MAP3K7: variants seen among roughly 807,000 people sequenced by gnomAD.
The protein encoded by MAP3K7 is mitogen-activated protein kinase kinase kinase 7.
MAP3K7 carries 21 observed loss-of-function variants against 84.8 expected under a neutral mutation model. The ratio of observed to expected loss-of-function variants is 0.25; its 90% CI spans 0.18 to 0.36. The LOEUF (loss-of-function observed/expected upper bound fraction) is 0.36. Ranked by LOEUF, MAP3K7 falls within the 10% of genes least tolerant of loss-of-function variation. MAP3K7 has a pLI of 1.00. For missense variants in MAP3K7, 503 were observed against 747.7 expected, an observed-to-expected ratio of 0.67 and a Z score of 3.82; for synonymous variants, 241 against 247.7, an observed-to-expected ratio of 0.97 and a Z score of 0.25.
At chr6:90,570,306 G>C (rs1382313911) in intron 2 of MAP3K7, among the ~76,000 whole-genome samples, 3 of 152,186 alleles carry the variant, frequency 2.0e-5, no homozygotes, top group Admixed American at 2.0e-4. Context: ...CTGGCAATGA[G>C]AAAAATGGAG....
At chr6:90,581,367 C>A (rs145953837) in intron 1 of MAP3K7, among the ~76,000 whole-genome samples, 46 of 152,206 alleles carry the variant, frequency 3.0e-4, no homozygotes, top group African/African-American at 1.0e-3. Flanking sequence ...TGGCATTGTT[C>A]TGGCTGGAAA....
chr6:90,535,331 T>G (rs1454186148), intron 13 of MAP3K7, among the ~76,000 whole-genome samples: 2 of 151,848 alleles, frequency 1.3e-5, no homozygotes, highest in Non-Finnish European at 2.9e-5. Context: ...CAAGTACTAA[T>G]ACATATTATC....
chr6:90,561,272 G>A (rs1371202508), intron 4 of MAP3K7, among the ~76,000 whole-genome samples: 7 of 151,398 alleles, frequency 4.6e-5, no homozygotes, highest in Admixed American at 2.0e-4. Flanking sequence ...GAGTGAAATC[G>A]AAATATGGTT....
chr6:90,530,110 A>G (rs1775459316), intron 13 of MAP3K7, among the ~76,000 whole-genome samples: 1 of 152,226 alleles, frequency 6.6e-6, no homozygotes, highest in Admixed American at 6.5e-5. Flanking sequence ...ACTGAAAGCA[A>G]GTACACAAAT....
intron 3 of MAP3K7, among the ~76,000 whole-genome samples, chr6:90,563,338 T>G (rs1776589485): frequency 6.6e-6 from 1 of 152,174 alleles, no homozygotes; most frequent in South Asian, 2.1e-4. Context: ...AGAGATTAGC[T>G]GAATGGCTAA....
chr6:90,517,587 C>T (rs1274889560), intron 16 of MAP3K7, among the ~76,000 whole-genome samples: 1 of 151,690 alleles, frequency 6.6e-6, no homozygotes, highest in Non-Finnish European at 1.5e-5. Flanking sequence ...CATAAAAGTG[C>T]CAGCAGTTTG....
At chr6:90,553,789 A>C (rs952793470) in intron 6 of MAP3K7, among the ~76,000 whole-genome samples, 3 of 152,206 alleles carry the variant, frequency 2.0e-5, no homozygotes, top group African/African-American at 7.2e-5. Context: ...ATACACTAAA[A>C]AACTACTTCA....
chr6:90,541,945 T>G (rs1288778604), intron 12 of MAP3K7, among the ~76,000 whole-genome samples: 1 of 151,964 alleles, frequency 6.6e-6, no homozygotes, highest in Non-Finnish European at 1.5e-5. Flanking sequence ...TACATTGCAC[T>G]TGGCCAAAGG....
intron 13 of MAP3K7, 141 bp downstream of exon 13, chr6:90,536,186 TCCCCCCTAAG>T: frequency 1.8e-6 from 1 of 546,998 alleles, no homozygotes; most frequent in Admixed American, 3.3e-5. Context: ...TATGTTTTTT[TCCCCCCTAAG>T]TATTTAAGTT....
At position 90,548,129 on chromosome 6, in the gene MAP3K7, G is replaced by C. The variant is rs1262255199; in HGVS notation, c.998C>G (p.Thr333Ser). 6.2e-7 allele frequency: 1 copy of C among 1,612,098 alleles called. No individual in the cohort carries two copies. Among genetic ancestry groups the C allele is most frequent in the African/African-American group, 1.3e-5 (1 of 74,822 alleles). Residue 333 changes from threonine (T) to serine (S), a missense_variant, in exon 10 of 17, where the codon ACT becomes AGT. Thr to Ser is a moderately conservative substitution (Grantham distance 58). Around this residue, in one of 5 missense-constraint regions of MAP3K7, gnomAD observed 286 missense variants for 313.6 expected, o/e 0.91. Transcript: ENST00000369329. Reference sequence around the variant, plus strand: ...TGTGGCAGGAACTTGCTCCATATTAGTGTCACTTTTGTTACTCGTATTTGT... The same window carrying C: ...TGTGGCAGGAACTTGCTCCATATTACTGTCACTTTTGTTACTCGTATTTGT... ...ASTNTSNKSDTNMEQVPATND... is the reference protein window; with the variant it reads ...ASTNTSNKSDSNMEQVPATND...
chr6:90,565,635 C>A (rs957231486), intron 3 of MAP3K7, among the ~76,000 whole-genome samples: 10 of 152,120 alleles, frequency 6.6e-5, no homozygotes, highest in Non-Finnish European at 1.3e-4. Context: ...ACCAGAGGTA[C>A]AAAGAGGAGC....
At chr6:90,520,681 C>A (rs1452319419) in intron 14 of MAP3K7, among the ~76,000 whole-genome samples, 1 of 143,736 alleles carries the variant, frequency 7.0e-6, no homozygotes, top group African/African-American at 2.5e-5. Flanking sequence ...GGCACTTACC[C>A]TTACCCTTAA....
intron 15 of MAP3K7, 128 bp downstream of exon 15, chr6:90,519,130 A>C: frequency 1.6e-6 from 1 of 607,214 alleles, no homozygotes; most frequent in South Asian, 2.0e-5. Flanking sequence ...GATTCTAAAA[A>C]GTTTAAGGAG....
At chr6:90,535,713 T>C (rs953317291) in intron 13 of MAP3K7, among the ~76,000 whole-genome samples, 1 of 152,106 alleles carries the variant, frequency 6.6e-6, no homozygotes, top group African/African-American at 2.4e-5. Flanking sequence ...ACTGTCTGCA[T>C]CATCTGCAAA....
At chr6:90,563,298 C>T (rs1187427290) in intron 3 of MAP3K7, among the ~76,000 whole-genome samples, 1 of 152,148 alleles carries the variant, frequency 6.6e-6, no homozygotes, top group Non-Finnish European at 1.5e-5. Context: ...GATGTTTGAA[C>T]CCATCACAAA....
intron 12 of MAP3K7, among the ~76,000 whole-genome samples, chr6:90,544,179 A>C (rs2127969730): frequency 6.6e-6 from 1 of 152,226 alleles, no homozygotes; most frequent in African/African-American, 2.4e-5. Flanking sequence ...CTGAGGAAGG[A>C]AAGGAGCCAA....
intron 14 of MAP3K7, among the ~76,000 whole-genome samples, chr6:90,522,183 T>C (rs912695917): frequency 2.0e-5 from 3 of 152,126 alleles, no homozygotes; most frequent in Admixed American, 1.3e-4. Context: ...TTTCTAGCAA[T>C]TGGTATTTTG....
intron 12 of MAP3K7, among the ~76,000 whole-genome samples, chr6:90,537,907 A>T (rs184875766): frequency 6.6e-6 from 1 of 152,102 alleles, no homozygotes; most frequent in African/African-American, 2.4e-5. Context: ...CAGATTAGCA[A>T]CACAGCAACA....
intron 2 of MAP3K7, among the ~76,000 whole-genome samples, chr6:90,570,352 G>A (rs1245947800): frequency 6.6e-6 from 1 of 152,182 alleles, no homozygotes; most frequent in Non-Finnish European, 1.5e-5. Flanking sequence ...CTTCCAAAAG[G>A]TTGGGGAGTG....
Sources: allele counts gnomAD v4.1 joint callset (sites outside exome capture counted in the v4.1 genomes callset), GRCh38; gene constraint gnomAD v4.1.1; regional missense constraint gnomAD v4.1.1; transcripts MANE v1.5; gene names NCBI Gene and HGNC (gene_info 2026-07-23, HGNC 2026-07-21).